Variants in NCEH1 observed in about 807,000 individuals in gnomAD.
NCEH1 encodes neutral cholesterol ester hydrolase 1.
A neutral mutation model predicts 25.4 loss-of-function variants in NCEH1; 9 were observed. That is an observed-to-expected ratio of 0.35 (90% confidence interval 0.21 to 0.62). The LOEUF is 0.62. Ranked by LOEUF, NCEH1 falls within the 20% of genes least tolerant of loss-of-function variation. The pLI, the probability that NCEH1 is intolerant of heterozygous loss-of-function variation, is 0.72. For missense variants in NCEH1, 412 were observed against 501.1 expected (o/e 0.82, Z 1.70); for synonymous variants, 200 against 199.8 (o/e 1.00, Z -0.01).
chr3:172,665,929 T>C (rs1718187027), intron 1 of NCEH1, among the ~76,000 whole-genome samples: 1 of 152,190 alleles, frequency 6.6e-6, no homozygotes, highest in African/African-American at 2.4e-5. Context: ...CCCCGACCCC[T>C]TGTGCTTCCC....
At chr3:172,654,628 C>T (rs952977886) in intron 1 of NCEH1, among the ~76,000 whole-genome samples, 6 of 152,224 alleles carry the variant, frequency 3.9e-5, no homozygotes, top group African/African-American at 1.4e-4. Context: ...GGGAAGGAGG[C>T]AGCTGGGGAA....
chr3:172,664,750 G>A lies in NCEH1; in HGVS notation c.139-16636C>T, dbSNP rs150099610. Among the ~76,000 whole-genome samples the A allele has an allele frequency of 9.1e-3, 1,381 of 152,062 alleles. 15 individuals are homozygous for A. Among genetic ancestry groups the A allele is most frequent in the African/African-American group, 0.031 (1,289 of 41,462 alleles). ...CCCCCTTCTTCCACTTGATCGAATC[G>A]GCTACTGAAGCTTGTGCATGTGTCA... On this transcript the variant is annotated intron_variant, in intron 1 of 4. Coordinates refer to ENST00000475381, the MANE Select transcript of NCEH1 (RefSeq NM_020792.6).
intron 3 of NCEH1, among the ~76,000 whole-genome samples, chr3:172,637,860 G>A (rs371362043): frequency 6.6e-6 from 1 of 151,856 alleles, no homozygotes; most frequent in South Asian, 2.1e-4. Context: ...CTGCACTCCA[G>A]CCTGGGTGAC....
chr3:172,683,418 A>AG (rs1203548233), intron 1 of NCEH1, among the ~76,000 whole-genome samples: 1 of 63,530 alleles, frequency 1.6e-5, no homozygotes, highest in East Asian at 3.4e-4. Flanking sequence ...AAAAAAAAAA[A>AG]AAAAAAAAAA....
intron 1 of NCEH1, among the ~76,000 whole-genome samples, chr3:172,710,135 A>G (rs971256871): frequency 2.4e-4 from 37 of 152,246 alleles, no homozygotes; most frequent in African/African-American, 8.9e-4. Context: ...GGAAAAGGTT[A>G]TCTGACAGCC....
intron 1 of NCEH1, among the ~76,000 whole-genome samples, chr3:172,664,829 T>G (rs1718130721): frequency 6.6e-6 from 1 of 152,236 alleles, no homozygotes; most frequent in African/African-American, 2.4e-5. Context: ...AGGTCTCCTC[T>G]ATGCTGTTTA....
intron 1 of NCEH1, among the ~76,000 whole-genome samples, chr3:172,648,438 C>A (rs1717233147): frequency 6.6e-6 from 1 of 151,900 alleles, no homozygotes; most frequent in Non-Finnish European, 1.5e-5. Flanking sequence ...GGATTCAGTA[C>A]CTTTTTTTTC....
At chr3:172,677,461 T>C (rs1340149467) in intron 1 of NCEH1, among the ~76,000 whole-genome samples, 1 of 152,226 alleles carries the variant, frequency 6.6e-6, no homozygotes, top group Non-Finnish European at 1.5e-5. Flanking sequence ...TAATAAACCA[T>C]GTACTCTTTC....
In NCEH1 at chr3:172,708,030, G is replaced by A. The variant is rs545421396; in HGVS notation, c.138+2817C>T. ...CTTAGGTGATTCTGACATAGCATCTGTGTTTGAGAGGAGTCAGAGAGATCC... is the reference window on the plus strand; with the variant it reads ...CTTAGGTGATTCTGACATAGCATCTATGTTTGAGAGGAGTCAGAGAGATCC... On this transcript the variant is annotated intron_variant, in intron 1 of 4. Transcript: ENST00000475381. 1.1e-4 allele frequency among the ~76,000 whole-genome samples: 16 copies of A among 152,344 alleles called. No individual in the cohort carries two copies. The South Asian group carries it at 2.9e-3, about 28-fold the overall frequency.
chr3:172,689,251 CTTTTTTTTTTT>C (rs34888694), intron 1 of NCEH1, among the ~76,000 whole-genome samples: 2 of 80,936 alleles, frequency 2.5e-5, no homozygotes, highest in East Asian at 3.6e-4. Flanking sequence ...CTTGGAGTAA[CTTTTTTTTTTT>C]TTTTTTTTTT....
At chr3:172,655,589 C>A (rs991448906) in intron 1 of NCEH1, among the ~76,000 whole-genome samples, 5 of 152,214 alleles carry the variant, frequency 3.3e-5, no homozygotes, top group Admixed American at 2.0e-4. Context: ...CCTCTGCCCA[C>A]CGCCCTGACC....
intron 3 of NCEH1, among the ~76,000 whole-genome samples, chr3:172,642,129 C>T (rs901869054): frequency 6.6e-6 from 1 of 151,872 alleles, no homozygotes; most frequent in Non-Finnish European, 1.5e-5. Flanking sequence ...AAGAAAGAAG[C>T]GAGCCACTGA....
chr3:172,697,861 T>C (rs1713457265), intron 1 of NCEH1, among the ~76,000 whole-genome samples: 1 of 152,212 alleles, frequency 6.6e-6, no homozygotes. Flanking sequence ...GAGCATTAAC[T>C]ACTATTTTAT....
chr3:172,697,484 C>CG, intron 1 of NCEH1, among the ~76,000 whole-genome samples: 1 of 152,222 alleles, frequency 6.6e-6, no homozygotes, highest in Non-Finnish European at 1.5e-5. Flanking sequence ...GCTGTTCACC[C>CG]TGCAGAGTGC....
At chr3:172,695,217 T>C (rs1007668177) in intron 1 of NCEH1, among the ~76,000 whole-genome samples, 1 of 152,210 alleles carries the variant, frequency 6.6e-6, no homozygotes, top group South Asian at 2.1e-4. Context: ...ATATCAACCC[T>C]GCTTGTAAGT....
At chr3:172,635,194 C>T (rs897090116) in intron 4 of NCEH1, among the ~76,000 whole-genome samples, 1 of 152,140 alleles carries the variant, frequency 6.6e-6, no homozygotes, top group African/African-American at 2.4e-5. Flanking sequence ...TTGCCAATGC[C>T]AAATGGAAAA....
At chr3:172,682,772 G>T (rs1427169410) in intron 1 of NCEH1, among the ~76,000 whole-genome samples, 1 of 152,202 alleles carries the variant, frequency 6.6e-6, no homozygotes, top group Non-Finnish European at 1.5e-5. Context: ...GGTAGCATTT[G>T]AGAAGTATTA....
At chr3:172,662,712 G>A (rs1044267061) in intron 1 of NCEH1, among the ~76,000 whole-genome samples, 1 of 152,118 alleles carries the variant, frequency 6.6e-6, no homozygotes, top group Non-Finnish European at 1.5e-5. Context: ...ATGTGTCCAG[G>A]AATTTATCCA....
intron 1 of NCEH1, among the ~76,000 whole-genome samples, chr3:172,676,070 G>C (rs541404922): frequency 1.8e-4 from 27 of 152,240 alleles, no homozygotes; most frequent in African/African-American, 6.3e-4. Context: ...CTCCTTTTCA[G>C]CAGGAAGTGG....
Sources: gnomAD v4.1 joint callset for allele counts (sites outside exome capture counted in the v4.1 genomes callset) on GRCh38, gnomAD v4.1.1 for gene constraint, MANE v1.5 for transcripts, NCBI Gene and HGNC (gene_info 2026-07-23, HGNC 2026-07-21) for gene names.